Variants in DCDC2 observed in about 807,000 individuals in gnomAD.
DCDC2 encodes the protein doublecortin domain-containing protein 2.
Under a neutral mutation model 50.2 loss-of-function variants are expected in DCDC2, and 40 were observed. That is an observed-to-expected ratio of 0.80 (90% CI 0.62 to 1.04). The LOEUF (loss-of-function observed/expected upper bound fraction) is 1.04, where lower values mean the gene tolerates loss of function less well. DCDC2 is among the 50% of genes least tolerant of loss of function. The pLI, the probability that DCDC2 is intolerant of heterozygous loss-of-function variation, is 0.00. For missense variants in DCDC2, 570 were observed against 581.9 expected, an observed-to-expected ratio of 0.98 and a Z score of 0.21; for synonymous variants, 234 against 210.6, an observed-to-expected ratio of 1.11 and a Z score of -0.96.
At chr6:24,201,015 G>A (rs115381407) in intron 8 of DCDC2, among the ~76,000 whole-genome samples, 2,813 of 152,110 alleles carry the variant, frequency 0.018, 35 homozygotes, top group Middle Eastern at 0.041. Flanking sequence ...CAAGTTTTTA[G>A]GGACCCACAA....
intron 6 of DCDC2, 21 bp from the exon 7 acceptor site, chr6:24,278,232 C>A (rs745912337): frequency 3.8e-6 from 6 of 1,579,244 alleles, no homozygotes; most frequent in African/African-American, 2.7e-5. Context: ...AAGTATTAGA[C>A]CCTTATTATT....
the DCDC2 span, among the ~76,000 whole-genome samples, chr6:24,367,052 TC>T: frequency 6.6e-6 from 1 of 152,114 alleles, no homozygotes; most frequent in Non-Finnish European, 1.5e-5. Context: ...CCCAGGCTGG[TC>T]TTGAACTCCT....
intron 2 of DCDC2, among the ~76,000 whole-genome samples, chr6:24,345,318 G>A (rs566541739): frequency 6.6e-6 from 1 of 152,256 alleles, no homozygotes; most frequent in Non-Finnish European, 1.5e-5. Flanking sequence ...TTTCATTAGA[G>A]ATTATGCCTA....
intron 2 of DCDC2, among the ~76,000 whole-genome samples, chr6:24,320,792 A>G (rs1423066983): frequency 6.6e-6 from 1 of 152,154 alleles, no homozygotes; most frequent in Non-Finnish European, 1.5e-5. Flanking sequence ...AAACCTCAAT[A>G]GCAAGAAGCA....
In DCDC2 at chr6:24,174,532, G is replaced by T. The variant is rs577247114; in HGVS notation, c.*198C>A. ...TTTCTATATGACTTTTAAAACACAT[G>T]CAATAAAAGTAAGTAATTATCCTTT... On this transcript the variant is annotated 3_prime_UTR_variant, in exon 10 of 10. Transcript: ENST00000378454. 1.5e-4 allele frequency: 64 copies of T among 412,944 alleles called. 1 individual carries two copies. The highest frequency in any genetic ancestry group is 1.1e-3 in the African/African-American group (55 of 49,612). The allele number at this position is 412,944 out of a possible 1,614,324, so 25.6% of individuals were successfully genotyped here. A position where few individuals can be genotyped will look rare whatever the true frequency, so the allele number is the denominator to read the frequency against.
chr6:24,300,903 A>G (rs752698579), intron 4 of DCDC2, among the ~76,000 whole-genome samples: 11 of 152,178 alleles, frequency 7.2e-5, no homozygotes, highest in Non-Finnish European at 1.3e-4. Context: ...TTGGAACCTG[A>G]AAAAAATGCT....
chr6:24,176,715 C>T (rs1263235244), intron 9 of DCDC2, among the ~76,000 whole-genome samples: 2 of 152,170 alleles, frequency 1.3e-5, no homozygotes, highest in South Asian at 2.1e-4. Flanking sequence ...ATCTCTTGAA[C>T]TTATTCCTCC....
chr6:24,264,819 A>C (rs1763083555), intron 7 of DCDC2, among the ~76,000 whole-genome samples: 1 of 151,824 alleles, frequency 6.6e-6, no homozygotes, highest in Non-Finnish European at 1.5e-5. Context: ...ATAGACAAAG[A>C]GTGGCCGAAT....
intron 5 of DCDC2, among the ~76,000 whole-genome samples, chr6:24,290,282 C>T (rs995890787): frequency 4.0e-5 from 6 of 151,602 alleles, no homozygotes; most frequent in African/African-American, 7.3e-5. Context: ...CGTGAGCCAC[C>T]GCGCCCGGCC....
At chr6:24,364,781 G>C in the DCDC2 span, among the ~76,000 whole-genome samples, 2 of 150,760 alleles carry the variant, frequency 1.3e-5, no homozygotes, top group African/African-American at 2.4e-5. Context: ...GAGATTCTAA[G>C]ACTAATTGCT....
intron 7 of DCDC2, among the ~76,000 whole-genome samples, chr6:24,269,044 T>C (rs962268582): frequency 6.6e-6 from 1 of 152,236 alleles, no homozygotes; most frequent in Non-Finnish European, 1.5e-5. Flanking sequence ...GCACACTGCA[T>C]GGTGATTTGC....
chr6:24,278,309 G>T, intron 6 of DCDC2, 98 bp from the exon 7 acceptor site: 2 of 1,120,626 alleles, frequency 1.8e-6, no homozygotes, highest in Non-Finnish European at 2.5e-6. Context: ...GCAGGGCAGG[G>T]GCAGGGAGGT....
intron 4 of DCDC2, among the ~76,000 whole-genome samples, chr6:24,293,971 C>T (rs1251953370): frequency 3.9e-5 from 6 of 152,172 alleles, no homozygotes; most frequent in Non-Finnish European, 1.5e-5. Context: ...TCAAGAAGTT[C>T]TTTGAAACTG....
chr6:24,289,971 C>CTTTTTTTT (rs3077132), intron 5 of DCDC2, among the ~76,000 whole-genome samples: 4 of 61,044 alleles, frequency 6.6e-5, no homozygotes, highest in Admixed American at 2.3e-4. Flanking sequence ...CAGAGCTCTT[C>CTTTTTTTT]TTTTTTTTTT....
chr6:24,264,889 T>G (rs183215831), intron 7 of DCDC2, among the ~76,000 whole-genome samples: 3 of 149,886 alleles, frequency 2.0e-5, no homozygotes, highest in African/African-American at 4.9e-5. Context: ...ACTTCACCTA[T>G]AAAGACACAC....
intron 8 of DCDC2, among the ~76,000 whole-genome samples, chr6:24,196,452 G>A (rs1424579458): frequency 2.0e-5 from 3 of 152,068 alleles, no homozygotes; most frequent in Admixed American, 6.6e-5. Context: ...ACAGAGTCTC[G>A]CTGTGTCACC....
At chr6:24,294,445 G>A (rs1181674097) in intron 4 of DCDC2, among the ~76,000 whole-genome samples, 1 of 152,092 alleles carries the variant, frequency 6.6e-6, no homozygotes, top group Non-Finnish European at 1.5e-5. Context: ...TCCAGAGCTA[G>A]CAGAAGACAA....
intron 7 of DCDC2, among the ~76,000 whole-genome samples, chr6:24,271,206 T>TAAAAAAAAAA: frequency 1.4e-3 from 1 of 698 alleles, no homozygotes; most frequent in South Asian, 0.029. Flanking sequence ...AGACACTCCC[T>TAAAAAAAAAA]CAAAAAAAAA....
Position 24,326,187 on chromosome 6 carries a change from AAGG to A in DCDC2, c.349-24146_349-24144del, listed in dbSNP as rs1246879035. 1.9e-4 allele frequency among the ~76,000 whole-genome samples: 27 copies of A among 144,634 alleles called. 1 individual carries two copies. The highest frequency in any genetic ancestry group is 6.6e-4 in the African/African-American group (27 of 40,730). 94.9% of individuals were successfully genotyped at this position (144,634 alleles called of 152,430 possible). ...AAGGAAAGGAAGGAAGGAAGGAAGG[AAGG>A]AAGAAAGGAAGGAAGGAAAGAATGA... On this transcript the variant is annotated intron_variant, in intron 2 of 9. Coordinates refer to ENST00000378454, the MANE Select transcript of DCDC2 (RefSeq NM_016356.5).
Sources: gnomAD v4.1 joint callset for allele counts (sites outside exome capture counted in the v4.1 genomes callset) on GRCh38, gnomAD v4.1.1 for gene constraint, MANE v1.5 for transcripts, NCBI Gene and HGNC (gene_info 2026-07-23, HGNC 2026-07-21) for gene names.